Variants in MAP3K7CL observed in about 807,000 individuals in gnomAD.
The protein encoded by MAP3K7CL is MAP3K7 C-terminal like.
A neutral mutation model predicts 18.6 loss-of-function variants in MAP3K7CL; 16 were observed. That is an observed-to-expected ratio of 0.86 (90% CI 0.58 to 1.31). MAP3K7CL has a LOEUF of 1.31. Among genes scored for constraint, MAP3K7CL ranks in the 50% most tolerant of loss-of-function variants. The pLI is 0.00. For synonymous variants in MAP3K7CL, 65 were observed against 66.8 expected (o/e 0.97, Z 0.13); for missense variants, 163 against 174.4 (o/e 0.93, Z 0.37).
At chr21:29,173,071 G>A (rs565436721) in intron 4 of MAP3K7CL, among the ~76,000 whole-genome samples, 2 of 152,290 alleles carry the variant, frequency 1.3e-5, no homozygotes, top group East Asian at 3.9e-4. Context: ...TTATGCTAAA[G>A]CAATGTTATT....
upstream of MAP3K7CL, among the ~76,000 whole-genome samples, chr21:29,083,105 T>C (rs2085863794): frequency 6.6e-6 from 1 of 152,238 alleles, no homozygotes; most frequent in Non-Finnish European, 1.5e-5. Flanking sequence ...GGGCATGATA[T>C]TGGTCCTTTC....
intron 1 of MAP3K7CL, among the ~76,000 whole-genome samples, chr21:29,078,618 G>T (rs1411570783): frequency 6.6e-6 from 1 of 152,204 alleles, no homozygotes; most frequent in South Asian, 2.1e-4. Context: ...TACCAGTGAG[G>T]TAACTTCCAA....
chr21:29,090,054 A>T (rs1053246878), intron 1 of MAP3K7CL, among the ~76,000 whole-genome samples: 5 of 152,232 alleles, frequency 3.3e-5, no homozygotes. Flanking sequence ...ACCATTATTG[A>T]ATCAGTGATG....
chr21:29,104,353 G>A (rs1325255865), intron 4 of MAP3K7CL, among the ~76,000 whole-genome samples: 1 of 151,886 alleles, frequency 6.6e-6, no homozygotes, highest in African/African-American at 2.4e-5. Flanking sequence ...TGCTGTCTCT[G>A]CAGAAGAAAA....
chr21:29,131,492 G>A (rs964719333), intron 1 of MAP3K7CL: 1 of 152,196 alleles, frequency 6.6e-6, no homozygotes, highest in Non-Finnish European at 1.5e-5. Flanking sequence ...TTCTGAGCAG[G>A]TAAGACTGGA....
intron 4 of MAP3K7CL, among the ~76,000 whole-genome samples, chr21:29,100,221 A>C (rs946964866): frequency 6.6e-6 from 1 of 152,156 alleles, no homozygotes; most frequent in East Asian, 1.9e-4. Context: ...GGTTTTCGGC[A>C]TGGCTGCCTT....
At chr21:29,109,665 G>A (rs977713428) in intron 4 of MAP3K7CL, 3 of 987,384 alleles carry the variant, frequency 3.0e-6, no homozygotes, top group Admixed American at 6.0e-5. Flanking sequence ...TAATTACTCT[G>A]CATTTAGGGT....
intron 4 of MAP3K7CL, chr21:29,108,994 G>T: frequency 2.7e-6 from 4 of 1,459,154 alleles, no homozygotes; most frequent in Non-Finnish European, 3.7e-6. Context: ...AATGTCGGCT[G>T]GACCCAAATA....
chr21:29,153,737 C>T (rs187718847), intron 3 of MAP3K7CL, among the ~76,000 whole-genome samples: 235 of 152,320 alleles, frequency 1.5e-3, no homozygotes, highest in Non-Finnish European at 1.8e-3. Flanking sequence ...ATGTGAACCA[C>T]CACACCCAGC....
chr21:29,098,615 G>C (rs140480922), intron 4 of MAP3K7CL, among the ~76,000 whole-genome samples: 8 of 152,294 alleles, frequency 5.3e-5, no homozygotes, highest in Admixed American at 5.2e-4. Flanking sequence ...GAAAAGGGAG[G>C]TATTATAATT....
chr21:29,113,396 G>A (rs925485975), intron 4 of MAP3K7CL, among the ~76,000 whole-genome samples: 2 of 152,094 alleles, frequency 1.3e-5, no homozygotes, highest in Non-Finnish European at 2.9e-5. Context: ...CTTGAATTTG[G>A]ACTTCCTTCA....
chr21:29,092,423 C>T (rs201261238), intron 3 of MAP3K7CL: 8 of 1,613,588 alleles, frequency 5.0e-6, no homozygotes, highest in Admixed American at 1.7e-5. Flanking sequence ...TTGATTTGGC[C>T]TTGATCTTTA....
chr21:29,151,096 T>C (rs780092823), intron 3 of MAP3K7CL, among the ~76,000 whole-genome samples: 2 of 151,564 alleles, frequency 1.3e-5, no homozygotes, highest in Non-Finnish European at 2.9e-5. Context: ...CTGTTGACAC[T>C]GCAAGTGATA....
chr21:29,143,086 C>T (rs1239606002), intron 2 of MAP3K7CL, among the ~76,000 whole-genome samples: 1 of 152,230 alleles, frequency 6.6e-6, no homozygotes, highest in Non-Finnish European at 1.5e-5. Flanking sequence ...CACCAGCACT[C>T]AGAGGTCATA....
chr21:29,168,828 C>CTT (rs550588382), intron 4 of MAP3K7CL, among the ~76,000 whole-genome samples: 138 of 152,338 alleles, frequency 9.1e-4, no homozygotes, highest in Non-Finnish European at 1.6e-3. Flanking sequence ...CATATTTACT[C>CTT]TTCTCAGTGA....
chr21:29,140,290 A>G (rs1201120097), intron 2 of MAP3K7CL, among the ~76,000 whole-genome samples: 2 of 152,176 alleles, frequency 1.3e-5, no homozygotes, highest in Admixed American at 1.3e-4. Flanking sequence ...CTGAGATACT[A>G]TGGGATTTAT....
chr21:29,099,574 A>G (rs80299111), intron 4 of MAP3K7CL, among the ~76,000 whole-genome samples: 2,741 of 152,220 alleles, frequency 0.018, 89 homozygotes, highest in African/African-American at 0.062. Context: ...GCTTTGTTCC[A>G]CATGTTCCAT....
At chr21:29,080,202 G>A (rs1243269894) in intron 1 of MAP3K7CL, among the ~76,000 whole-genome samples, 3 of 152,230 alleles carry the variant, frequency 2.0e-5, no homozygotes, top group Admixed American at 2.0e-4. Context: ...CCCCTGATCA[G>A]TGTGCTAGAC....
At chr21:29,136,569 G>C (rs929876088) in intron 2 of MAP3K7CL, among the ~76,000 whole-genome samples, 1 of 151,614 alleles carries the variant, frequency 6.6e-6, no homozygotes, top group Non-Finnish European at 1.5e-5. Context: ...CTGTCACCCA[G>C]GCTGGCGTGC....
Sources: allele counts gnomAD v4.1 joint callset (sites outside exome capture counted in the v4.1 genomes callset), GRCh38; gene constraint gnomAD v4.1.1; transcripts MANE v1.5; gene names NCBI Gene and HGNC (gene_info 2026-07-23, HGNC 2026-07-21).